Variants in SLC39A11 observed in about 807,000 individuals in gnomAD.
The protein encoded by SLC39A11 is zinc transporter ZIP11.
A neutral mutation model predicts 36.1 loss-of-function variants in SLC39A11; 33 were observed. The ratio of observed to expected loss-of-function variants is 0.91; its 90% CI spans 0.69 to 1.22. SLC39A11 has a LOEUF of 1.22. Ranked by LOEUF, SLC39A11 falls within the 50% of genes most tolerant of loss-of-function variation. The pLI is 0.00. For synonymous variants in SLC39A11, 166 were observed against 170.3 expected, an observed-to-expected ratio of 0.97 and a Z score of 0.20; for missense variants, 432 against 430.3, an observed-to-expected ratio of 1.00 and a Z score of -0.03.
rs556347821 is a variant in SLC39A11 at position 72,815,422 on chromosome 17, G to T, written c.601+34212C>A. Among the ~76,000 whole-genome samples the T allele has an allele frequency of 1.8e-4, 28 of 151,564 alleles. No homozygotes were observed. The South Asian group carries it at 5.7e-3, about 31-fold the overall frequency. On this transcript the variant is annotated intron_variant, in intron 6 of 9. Transcript: ENST00000255559. Reference sequence around the variant, plus strand: ...ATCACGAGGTCAGGAGTTAGAGACCGGCATGACCAATATGGAGAAACCCTG... The same window carrying T: ...ATCACGAGGTCAGGAGTTAGAGACCTGCATGACCAATATGGAGAAACCCTG...
chr17:72,700,554 T>C (rs933859763), intron 7 of SLC39A11, among the ~76,000 whole-genome samples: 26 of 152,032 alleles, frequency 1.7e-4, no homozygotes, highest in Non-Finnish European at 3.7e-4. Context: ...GCCCCCAGGG[T>C]CCCCAGGCCT....
chr17:72,928,491 G>T (rs915245130), intron 5 of SLC39A11, among the ~76,000 whole-genome samples: 2 of 152,194 alleles, frequency 1.3e-5, no homozygotes, highest in Non-Finnish European at 2.9e-5. Context: ...GTCATATTAA[G>T]AAGGTAAGGA....
intron 7 of SLC39A11, among the ~76,000 whole-genome samples, chr17:72,678,326 C>A (rs1170507702): frequency 1.3e-5 from 2 of 152,062 alleles, no homozygotes; most frequent in Non-Finnish European, 2.9e-5. Flanking sequence ...AAATACCTTC[C>A]CTGTGAACAG....
At chr17:72,897,284 C>T (rs961546345) in intron 5 of SLC39A11, among the ~76,000 whole-genome samples, 8 of 152,234 alleles carry the variant, frequency 5.3e-5, no homozygotes, top group African/African-American at 1.9e-4. Flanking sequence ...CTGCACTGTG[C>T]TGTCTAATAT....
In SLC39A11 at chr17:72,991,600, C is replaced by G. The variant is rs971756796; in HGVS notation, c.306+39956G>C. On this transcript the variant is annotated intron_variant, in intron 4 of 9. Coordinates refer to ENST00000255559, the MANE Select transcript of SLC39A11 (RefSeq NM_139177.4). ...TCTTGAACTCCTGATCTCAGATAAT[C>G]CCCCCGCCTTGGCCTCCCAAAGTGC... is the stretch of plus-strand genomic sequence containing the variant. Among the ~76,000 whole-genome samples the G allele has an allele frequency of 2.0e-5, 3 of 148,728 alleles. No homozygotes were observed. The South Asian group carries it at 6.2e-4, about 31-fold the overall frequency.
intron 6 of SLC39A11, among the ~76,000 whole-genome samples, chr17:72,776,806 G>A (rs1468986070): frequency 2.6e-5 from 4 of 152,096 alleles, no homozygotes; most frequent in Non-Finnish European, 5.9e-5. Context: ...ATAGTGGTTT[G>A]GACAGCTGAA....
intron 4 of SLC39A11, among the ~76,000 whole-genome samples, chr17:73,002,534 G>C (rs1261418814): frequency 4.6e-5 from 7 of 152,166 alleles, no homozygotes. Flanking sequence ...GCACTGAGCT[G>C]GTCAGACAGG....
chr17:72,828,151 T>A (rs1387028880), intron 6 of SLC39A11, among the ~76,000 whole-genome samples: 1 of 152,180 alleles, frequency 6.6e-6, no homozygotes, highest in East Asian at 1.9e-4. Flanking sequence ...TATGTCCTAA[T>A]CTCGAGAATC....
At chr17:72,913,660 C>T (rs1047796578) in intron 5 of SLC39A11, among the ~76,000 whole-genome samples, 6 of 152,092 alleles carry the variant, frequency 3.9e-5, no homozygotes, top group African/African-American at 9.7e-5. Flanking sequence ...TGAGGACTCG[C>T]CCAAGGCTCC....
At position 72,768,638 on chromosome 17, in the gene SLC39A11, CA is replaced by C. The variant is rs763940153; in HGVS notation, c.602-31920del. ...CCACCCTCTGGGCCCCACATTATCT[CA>C]TATGTGACTGGCATATGGCACAGTC... On this transcript the variant is annotated intron_variant, in intron 6 of 9. Coordinates refer to ENST00000255559, the MANE Select transcript of SLC39A11 (RefSeq NM_139177.4). Among the ~76,000 whole-genome samples the C allele has an allele frequency of 8.5e-5, 13 of 152,328 alleles. No individual in the cohort carries two copies. In the East Asian group the frequency reaches 2.5e-3, roughly 29 times the overall value.
At chr17:72,920,152 A>G (rs778531654) in intron 5 of SLC39A11, among the ~76,000 whole-genome samples, 96 of 152,080 alleles carry the variant, frequency 6.3e-4, no homozygotes, top group Non-Finnish European at 2.5e-4. Context: ...CACTTTAGAC[A>G]TAAGTGGAAA....
chr17:72,780,587 A>G (rs1372586499), intron 6 of SLC39A11, among the ~76,000 whole-genome samples: 2 of 152,012 alleles, frequency 1.3e-5, no homozygotes, highest in Non-Finnish European at 2.9e-5. Context: ...TGTCAGAGCA[A>G]TTCCGGGACT....
rs2058535312 is a variant in SLC39A11 at position 73,026,186 on chromosome 17, AGAGAG to A, written c.306+5365_306+5369del. 1.8e-4 allele frequency among the ~76,000 whole-genome samples: 3 copies of A among 16,720 alleles called. No individual in the cohort carries two copies. In the South Asian group the frequency reaches 6.8e-3, roughly 38 times the overall value. 11.0% of individuals were successfully genotyped at this position (16,720 alleles called of 152,430 possible). A position where few individuals can be genotyped will look rare whatever the true frequency, so the allele number is the denominator to read the frequency against. ...GAGAAGAGAGGAGAGGAGAAAGAGA[AGAGAG>A]AAGAGAAGGGAAGAGAAGAGAAGAG... On this transcript the variant is annotated intron_variant, in intron 4 of 9. Coordinates refer to ENST00000255559, the MANE Select transcript of SLC39A11 (RefSeq NM_139177.4).
intron 7 of SLC39A11, among the ~76,000 whole-genome samples, chr17:72,682,290 C>A (rs1209827705): frequency 6.8e-6 from 1 of 147,784 alleles, no homozygotes; most frequent in Non-Finnish European, 1.5e-5. Context: ...CATCCCGAAA[C>A]CATCCCTCCC....
At chr17:72,871,872 A>G (rs200076140) in intron 5 of SLC39A11, among the ~76,000 whole-genome samples, 2 of 152,060 alleles carry the variant, frequency 1.3e-5, no homozygotes, top group East Asian at 3.9e-4. Flanking sequence ...TGGATCTGTA[A>G]TTGTTGTTTG....
intron 7 of SLC39A11, among the ~76,000 whole-genome samples, chr17:72,702,805 T>C (rs904363980): frequency 6.6e-6 from 1 of 151,714 alleles, no homozygotes; most frequent in Middle Eastern, 3.4e-3. Flanking sequence ...GGTGTGGTGG[T>C]GCATGCCTGT....
intron 7 of SLC39A11, among the ~76,000 whole-genome samples, chr17:72,699,071 T>C (rs1008576272): frequency 7.2e-4 from 109 of 152,242 alleles, no homozygotes; most frequent in Admixed American, 1.3e-3. Flanking sequence ...CCTTGTGATC[T>C]GCCCGCCTTG....
At chr17:73,078,407 G>T (rs1476799759) in intron 3 of SLC39A11, among the ~76,000 whole-genome samples, 1 of 152,064 alleles carries the variant, frequency 6.6e-6, no homozygotes, top group Non-Finnish European at 1.5e-5. Flanking sequence ...AGGTAGGTAG[G>T]TAAGTAAGGA....
chr17:72,862,892 C>T (rs1449296008), intron 5 of SLC39A11, among the ~76,000 whole-genome samples: 1 of 152,164 alleles, frequency 6.6e-6, no homozygotes, highest in Non-Finnish European at 1.5e-5. Flanking sequence ...GAACTGAGCC[C>T]AGCCCAAGTT....
Sources: allele counts gnomAD v4.1 joint callset (sites outside exome capture counted in the v4.1 genomes callset), GRCh38; gene constraint gnomAD v4.1.1; transcripts MANE v1.5; gene names NCBI Gene and HGNC (gene_info 2026-07-23, HGNC 2026-07-21).